Variants in CALN1 observed in about 807,000 individuals in gnomAD.
The protein encoded by CALN1 is calcium-binding protein 8.
Under a neutral mutation model 30.6 loss-of-function variants are expected in CALN1, and 17 were observed. The observed-to-expected ratio is 0.56, with a 90% CI of 0.38 to 0.83. The LOEUF (loss-of-function observed/expected upper bound fraction) is 0.83, where lower values mean the gene tolerates loss of function less well. CALN1 is among the 40% of genes least tolerant of loss of function. The probability of loss-of-function intolerance (pLI) is 0.00; values close to 1 mark genes in which losing one functional copy is unlikely to be tolerated. For missense variants in CALN1, 291 were observed against 354.9 expected (o/e 0.82, Z 1.45); for synonymous variants, 156 against 131.4 (o/e 1.19, Z -1.28).
chr7:72,410,965 T>C (rs1354856726), intron 1 of CALN1, among the ~76,000 whole-genome samples: 2 of 152,186 alleles, frequency 1.3e-5, no homozygotes, highest in East Asian at 1.9e-4. Flanking sequence ...AAAGTTATTT[T>C]AAGGTGATAT....
At chr7:72,066,682 G>A (rs565172078) in intron 4 of CALN1, among the ~76,000 whole-genome samples, 108 of 152,130 alleles carry the variant, frequency 7.1e-4, no homozygotes, top group East Asian at 1.4e-3. Context: ...GCGCCATCAC[G>A]GCTCACTGCA....
Position 71,962,732 on chromosome 7 carries a change from C to T in CALN1, c.501+60925G>A, listed in dbSNP as rs1279868304. Among the ~76,000 whole-genome samples, 4 of 152,266 alleles carry T rather than the reference C, an allele frequency of 2.6e-5. No individual in the cohort carries two copies. The South Asian group carries it at 8.3e-4, about 32-fold the overall frequency. ...TCTTCCACATCTTTTCTACAAATTG[C>T]TGAAAGCTTTAAACCAGTTTTATCT... is the stretch of plus-strand genomic sequence containing the variant. On this transcript the variant is annotated intron_variant, in intron 5 of 6. Transcript: ENST00000395275.
intron 1 of CALN1, among the ~76,000 whole-genome samples, chr7:72,408,362 T>C (rs1169334395): frequency 2.0e-5 from 3 of 151,814 alleles, no homozygotes; most frequent in Non-Finnish European, 4.4e-5. Flanking sequence ...AGAGAATCAC[T>C]TGAACCCGGG....
intron 3 of CALN1, among the ~76,000 whole-genome samples, chr7:72,152,026 A>G (rs1394779780): frequency 6.7e-6 from 1 of 148,882 alleles, no homozygotes; most frequent in Non-Finnish European, 1.5e-5. Flanking sequence ...CTCCTGCCTC[A>G]GCCTCCCAGG....
chr7:72,143,496 T>A (rs978849639), intron 3 of CALN1, among the ~76,000 whole-genome samples: 1 of 152,176 alleles, frequency 6.6e-6, no homozygotes, highest in Non-Finnish European at 1.5e-5. Flanking sequence ...AATCTACGAC[T>A]GATTGGTGTA....
the CALN1 span, among the ~76,000 whole-genome samples, chr7:72,470,107 G>A: frequency 2.6e-5 from 4 of 152,136 alleles, 1 homozygote; most frequent in Non-Finnish European, 2.9e-5. Flanking sequence ...CCCACCAGCC[G>A]TGTACAATGC....
At chr7:72,023,094 G>C (rs1003685) in intron 5 of CALN1, among the ~76,000 whole-genome samples, 20,457 of 151,878 alleles carry the variant, frequency 0.13, 2,111 homozygotes, top group East Asian at 0.34. Flanking sequence ...TAAAATAATT[G>C]TCACATTTTA....
intron 4 of CALN1, among the ~76,000 whole-genome samples, chr7:72,026,287 T>C (rs768845944): frequency 2.0e-5 from 3 of 152,040 alleles, no homozygotes; most frequent in Non-Finnish European, 2.9e-5. Context: ...AACAATGCAC[T>C]TAACAAAATA....
chr7:72,088,695 T>C (rs1029658177), intron 4 of CALN1, among the ~76,000 whole-genome samples: 3 of 105,480 alleles, frequency 2.8e-5, no homozygotes, highest in African/African-American at 1.2e-4. Context: ...TGAGACTCCA[T>C]CTCAAGAAAA....
intron 2 of CALN1, among the ~76,000 whole-genome samples, chr7:72,363,528 T>G (rs974738630): frequency 6.6e-6 from 1 of 151,836 alleles, no homozygotes; most frequent in Non-Finnish European, 1.5e-5. Flanking sequence ...TGTGAGCCAC[T>G]GCACCTGGCC....
At chr7:72,285,193 A>G (rs572024639) in intron 2 of CALN1, among the ~76,000 whole-genome samples, 1 of 152,196 alleles carries the variant, frequency 6.6e-6, no homozygotes, top group South Asian at 2.1e-4. Context: ...TGATTTTTGT[A>G]TATTTTTGCT....
At chr7:72,046,015 A>C (rs1026966068) in intron 4 of CALN1, among the ~76,000 whole-genome samples, 1 of 150,534 alleles carries the variant, frequency 6.6e-6, no homozygotes, top group Non-Finnish European at 1.5e-5. Context: ...AAAAAAAAAA[A>C]AGGATTCAGA....
intron 2 of CALN1, among the ~76,000 whole-genome samples, chr7:72,338,525 G>GTGTGCGTGTGTGTGTCTGTCTGTC: frequency 1.6e-5 from 2 of 122,292 alleles, no homozygotes; most frequent in African/African-American, 6.3e-5. Flanking sequence ...GTGTGTGTGT[G>GTGTGCGTGTGTGTGTCTGTCTGTC]TGTCTCACCT....
At chr7:72,422,477 T>C (rs1299777387) in intron 1 of CALN1, among the ~76,000 whole-genome samples, 3 of 152,070 alleles carry the variant, frequency 2.0e-5, no homozygotes, top group African/African-American at 7.2e-5. Flanking sequence ...AGTTGCAGGG[T>C]CCCCAGCATC....
At chr7:72,305,707 T>A (rs1799600033) in intron 2 of CALN1, among the ~76,000 whole-genome samples, 1 of 152,202 alleles carries the variant, frequency 6.6e-6, no homozygotes, top group East Asian at 1.9e-4. Flanking sequence ...TAGCTTAGTT[T>A]GCTCAGGTTA....
rs538458686 is a variant in CALN1 at position 72,291,932 on chromosome 7, C to T, written c.120-13122G>A. Among the ~76,000 whole-genome samples, 4 of 151,810 alleles carry T rather than the reference C, an allele frequency of 2.6e-5. No individual in the cohort carries two copies. In the South Asian group the frequency reaches 6.3e-4, roughly 24 times the overall value. ...TGACCATATGTTGAAATTCTTATTG[C>T]CAATGTGATGGTATTAGCAGATAGG... On this transcript the variant is annotated intron_variant, in intron 2 of 6. Coordinates refer to ENST00000395275, the MANE Select transcript of CALN1 (RefSeq NM_031468.4).
At chr7:72,427,181 T>C (rs1298396857) in intron 1 of CALN1, among the ~76,000 whole-genome samples, 1 of 152,128 alleles carries the variant, frequency 6.6e-6, no homozygotes, top group African/African-American at 2.4e-5. Flanking sequence ...GATGGGGCTT[T>C]GCCAGGCTGG....
At chr7:71,884,514 TTG>T (rs955495138) in intron 5 of CALN1, among the ~76,000 whole-genome samples, 16 of 150,634 alleles carry the variant, frequency 1.1e-4, no homozygotes, top group African/African-American at 3.9e-4. Context: ...ATATTCCAGC[TTG>T]GGCCAGATCG....
chr7:72,462,843 T>A, the CALN1 span, among the ~76,000 whole-genome samples: 1 of 152,140 alleles, frequency 6.6e-6, no homozygotes, highest in African/African-American at 2.4e-5. Context: ...GCACATACTT[T>A]CCTCTAGCCA....
Sources: allele counts gnomAD v4.1 joint callset (sites outside exome capture counted in the v4.1 genomes callset), GRCh38; gene constraint gnomAD v4.1.1; transcripts MANE v1.5; gene names NCBI Gene and HGNC (gene_info 2026-07-23, HGNC 2026-07-21).